GPC6: variants seen among roughly 807,000 people sequenced by gnomAD.
GPC6 encodes glypican 6.
Under a neutral mutation model 55.2 loss-of-function variants are expected in GPC6, and 14 were observed. That is an observed-to-expected ratio of 0.25 (90% CI 0.17 to 0.40). GPC6 has a LOEUF of 0.40. GPC6 is among the 10% of genes least tolerant of loss of function. GPC6 has a pLI of 1.00. For missense variants in GPC6, 641 were observed against 708.5 expected, an observed-to-expected ratio of 0.90 and a Z score of 1.08; for synonymous variants, 278 against 259.6, an observed-to-expected ratio of 1.07 and a Z score of -0.68.
At chr13:93,935,405 G>T (rs1594601184) in intron 3 of GPC6, among the ~76,000 whole-genome samples, 1 of 152,008 alleles carries the variant, frequency 6.6e-6, no homozygotes, top group African/African-American at 2.4e-5. Flanking sequence ...ATGGCCTTCA[G>T]CTCCATCAGT....
intron 1 of GPC6, among the ~76,000 whole-genome samples, chr13:93,316,519 T>G (rs1278587551): frequency 1.3e-5 from 2 of 152,042 alleles, no homozygotes; most frequent in Non-Finnish European, 2.9e-5. Flanking sequence ...TGTGAAAGTA[T>G]GCTCTAGGGC....
intron 2 of GPC6, among the ~76,000 whole-genome samples, chr13:93,701,182 A>C (rs1017286364): frequency 6.6e-6 from 1 of 152,102 alleles, no homozygotes; most frequent in Non-Finnish European, 1.5e-5. Context: ...ACAACACTTT[A>C]ATGAATAAAC....
At chr13:93,626,281 A>G (rs9524148) in intron 2 of GPC6, among the ~76,000 whole-genome samples, 114,775 of 152,062 alleles carry the variant, frequency 0.75, 45,671 homozygotes, top group Non-Finnish European at 0.9. Flanking sequence ...AAGGATTTCA[A>G]GACGGCCACA....
rs895571238 is a variant in GPC6 at position 94,398,101 on chromosome 13, C to T, written c.1290-365C>T. On this transcript the variant is annotated intron_variant, in intron 7 of 8. Transcript: ENST00000377047. ...ATGTGGAACTGTGAATCTATTAAAC[C>T]TCTTTTTCTTTCTAAATTACCCAGT... Among the ~76,000 whole-genome samples the T allele has an allele frequency of 2.6e-5, 4 of 152,200 alleles. No individual in the cohort carries two copies. The South Asian group carries it at 8.3e-4, about 32-fold the overall frequency.
intron 1 of GPC6, among the ~76,000 whole-genome samples, chr13:93,366,564 A>G (rs1594122204): frequency 1.3e-5 from 2 of 152,160 alleles, no homozygotes; most frequent in Non-Finnish European, 2.9e-5. Context: ...CAATCTTTTT[A>G]TTGTAAATTT....
intron 4 of GPC6, among the ~76,000 whole-genome samples, chr13:94,240,648 TA>T (rs1464989116): frequency 8.3e-5 from 12 of 144,038 alleles, no homozygotes; most frequent in African/African-American, 3.2e-4. Context: ...TAAAATAAAA[TA>T]AAATAAATAA....
chr13:93,631,349 C>T (rs1378263245), intron 2 of GPC6, among the ~76,000 whole-genome samples: 1 of 152,162 alleles, frequency 6.6e-6, no homozygotes, highest in Non-Finnish European at 1.5e-5. Flanking sequence ...GTTGGAGTTT[C>T]TCTGGGGACC....
chr13:94,213,938 A>G (rs1890157886), intron 4 of GPC6, among the ~76,000 whole-genome samples: 1 of 152,242 alleles, frequency 6.6e-6, no homozygotes, highest in Non-Finnish European at 1.5e-5. Context: ...AAATATTTTT[A>G]AGAGTTATAT....
chr13:94,076,817 A>G (rs1884930644), intron 4 of GPC6, among the ~76,000 whole-genome samples: 1 of 151,800 alleles, frequency 6.6e-6, no homozygotes, highest in Non-Finnish European at 1.5e-5. Context: ...TGGAATCTCT[A>G]TTCTGTTCCA....
At position 94,313,995 on chromosome 13, in the gene GPC6, C is replaced by G. The variant is rs531361112; in HGVS notation, c.1152+7872C>G. Among the ~76,000 whole-genome samples the G allele has an allele frequency of 1.8e-4, 27 of 152,284 alleles. No homozygotes were observed. In the South Asian group the frequency reaches 2.3e-3, roughly 13 times the overall value. ...ATGCATTCGGTAGATATCAATCTAT[C>G]AATAAATTATTGATTGAGTTATTCT... On this transcript the variant is annotated intron_variant, in intron 6 of 8. Transcript: ENST00000377047.
At chr13:94,213,439 C>A (rs1890141481) in intron 4 of GPC6, among the ~76,000 whole-genome samples, 1 of 152,228 alleles carries the variant, frequency 6.6e-6, no homozygotes, top group South Asian at 2.1e-4. Flanking sequence ...GTACTCCAAA[C>A]AAAGTGGTTT....
chr13:93,468,242 C>G (rs1878985567), intron 1 of GPC6, among the ~76,000 whole-genome samples: 1 of 151,946 alleles, frequency 6.6e-6, no homozygotes, highest in Admixed American at 6.6e-5. Context: ...TGGCCATTAC[C>G]CTGTAATGAA....
intron 1 of GPC6, among the ~76,000 whole-genome samples, chr13:93,456,572 C>G (rs1049120101): frequency 1.3e-5 from 2 of 151,928 alleles, no homozygotes; most frequent in African/African-American, 4.8e-5. Flanking sequence ...GCTGTAGTTA[C>G]AAAGAACCGC....
At chr13:93,865,819 T>C (rs990173027) in intron 3 of GPC6, among the ~76,000 whole-genome samples, 2 of 151,708 alleles carry the variant, frequency 1.3e-5, no homozygotes, top group African/African-American at 4.8e-5. Context: ...ATGGATAATT[T>C]TGGAAAATTG....
intron 1 of GPC6, among the ~76,000 whole-genome samples, chr13:93,319,777 G>T (rs771129732): frequency 2.3e-4 from 35 of 151,984 alleles, no homozygotes; most frequent in Non-Finnish European, 4.9e-4. Flanking sequence ...CAAAATTTCA[G>T]AACGCTAGGC....
chr13:94,005,688 T>C (rs1374576080), intron 3 of GPC6, among the ~76,000 whole-genome samples: 1 of 152,202 alleles, frequency 6.6e-6, no homozygotes, highest in Non-Finnish European at 1.5e-5. Flanking sequence ...GACTGTATTC[T>C]AAAGTGTTGG....
At chr13:94,056,641 A>G (rs371538364) in intron 4 of GPC6, among the ~76,000 whole-genome samples, 50 of 152,314 alleles carry the variant, frequency 3.3e-4, no homozygotes, top group African/African-American at 1.2e-3. Context: ...TTGTTAAGAT[A>G]CACAAATCTC....
At chr13:93,602,244 A>AAAG (rs1283517181) in intron 2 of GPC6, among the ~76,000 whole-genome samples, 10 of 152,182 alleles carry the variant, frequency 6.6e-5, no homozygotes. Context: ...ATTGCCAGAA[A>AAAG]AAGTCCACCA....
intron 4 of GPC6, among the ~76,000 whole-genome samples, chr13:94,056,663 C>A (rs886418562): frequency 4.6e-5 from 7 of 152,106 alleles, no homozygotes; most frequent in Non-Finnish European, 8.8e-5. Flanking sequence ...TATAATTACC[C>A]TCATGAGTAG....
Sources: allele counts gnomAD v4.1 joint callset (sites outside exome capture counted in the v4.1 genomes callset), GRCh38; gene constraint gnomAD v4.1.1; transcripts MANE v1.5; gene names NCBI Gene and HGNC (gene_info 2026-07-23, HGNC 2026-07-21).